The following RGS3 variants were observed in gnomAD, a reference collection of about 807,000 sequenced individuals.
The protein encoded by RGS3 is regulator of G protein signaling 3, also known as regulator of G-protein signalling 3.
In RGS3, 80 loss-of-function variants were observed where a neutral mutation model predicts 132.6. That is an observed-to-expected ratio of 0.60 (90% CI 0.50 to 0.73). The LOEUF is 0.73. Ranked by LOEUF, RGS3 falls within the 30% of genes least tolerant of loss-of-function variation. RGS3 has a pLI of 0.00. For missense variants in RGS3, 1,382 were observed against 1,530.8 expected, an observed-to-expected ratio of 0.90 and a Z score of 1.62; for synonymous variants, 598 against 620.6, an observed-to-expected ratio of 0.96 and a Z score of 0.54.
At chr9:113,508,493 C>T in intron 13 of RGS3, 48 bp from the exon 12 acceptor site, 2 of 1,610,340 alleles carry the variant, frequency 1.2e-6, no homozygotes, top group Non-Finnish European at 1.7e-6. Flanking sequence ...CTGGGCTGTC[C>T]TGCCCTGTTC....
intron 10 of RGS3, 85 bp downstream of exon 8, chr9:113,498,165 C>T: frequency 8.3e-7 from 1 of 1,211,674 alleles, no homozygotes; most frequent in Non-Finnish European, 1.2e-6. Context: ...CCTAAAGGGG[C>T]AGCATTTGGT....
intron 13 of RGS3, among the ~76,000 whole-genome samples, chr9:113,508,331 G>A (rs889968343): frequency 6.6e-6 from 1 of 152,182 alleles, no homozygotes; most frequent in Non-Finnish European, 1.5e-5. Context: ...TAGGCTTCAT[G>A]ACCCATAAAG....
chr9:113,546,923 T>G (rs1460592103), intron 19 of RGS3, among the ~76,000 whole-genome samples: 1 of 152,210 alleles, frequency 6.6e-6, no homozygotes, highest in African/African-American at 2.4e-5. Context: ...TTGAGCAAAT[T>G]GCTTCACATC....
intron 21 of RGS3, chr9:113,594,056 T>C (rs2119054014): frequency 6.2e-7 from 1 of 1,612,730 alleles, no homozygotes; most frequent in African/African-American, 1.3e-5. Context: ...TTTTTTCCGC[T>C]CCCCCTCCTG....
rs1835451057 is a variant in RGS3, at chr9:113,591,920, G to C, written c.3080+523G>C. ...GGCCTTCTTATACTATAGGGTGTTT[G>C]TTAGAGGTGTCAATGAAAAAGATGT... On this transcript the variant is annotated intron_variant, in intron 21 of 24. Coordinates refer to ENST00000350696, the Ensembl canonical transcript of RGS3. This position sits in a 1 kb window ranked among gnomAD's most constrained non-coding sequence, Gnocchi z 4.4. 6.4e-6 allele frequency: 1 copy of C among 156,764 alleles called. No homozygotes were observed. Among genetic ancestry groups the C allele is most frequent in the Non-Finnish European group, 1.4e-5 (1 of 70,364 alleles). 9.7% of individuals were successfully genotyped at this position (156,764 alleles called of 1,614,324 possible).
At chr9:113,450,874 T>G (rs1260712250) in intron 1 of RGS3, among the ~76,000 whole-genome samples, 1 of 151,802 alleles carries the variant, frequency 6.6e-6, no homozygotes, top group Non-Finnish European at 1.5e-5. Context: ...AGCAGTGTGG[T>G]GAGGGCAAAA....
At chr9:113,555,580 C>T (rs1833535166) in intron 19 of RGS3, among the ~76,000 whole-genome samples, 1 of 152,078 alleles carries the variant, frequency 6.6e-6, no homozygotes, top group Admixed American at 6.6e-5. Context: ...GATTCTCCTA[C>T]CTCAGCCTTC....
rs769951740 is a variant in RGS3, at chr9:113,498,048, G to A, written c.865G>A (p.Gly289Ser). Reference sequence around the variant, plus strand: ...AGACCCGCTGCTGAGAATGCCAGGAGGTGGGGACACTGAGAATGGGAAGAA... The same window carrying A: ...AGACCCGCTGCTGAGAATGCCAGGAAGTGGGGACACTGAGAATGGGAAGAA... Residue 289 changes from glycine (G) to serine (S), a missense_variant, in exon 10 of 25, where the codon GGT becomes AGT. Coordinates refer to ENST00000350696, the Ensembl canonical transcript of RGS3. The A allele has an allele frequency of 2.0e-5, 32 of 1,614,000 alleles. No homozygotes were observed. In the Admixed American group the frequency reaches 5.2e-4, roughly 26 times the overall value.
chr9:113,560,615 A>G (rs750259707), intron 19 of RGS3, among the ~76,000 whole-genome samples: 17 of 152,328 alleles, frequency 1.1e-4, no homozygotes, highest in Non-Finnish European at 1.9e-4. Context: ...GCAGGGATTC[A>G]GTGGTTATTG....
At chr9:113,562,431 C>G (rs1192300603) in intron 19 of RGS3, among the ~76,000 whole-genome samples, 1 of 146,388 alleles carries the variant, frequency 6.8e-6, no homozygotes, top group African/African-American at 2.5e-5. Context: ...GAGCCAAGAT[C>G]GTGCCACTGC....
intron 19 of RGS3, among the ~76,000 whole-genome samples, chr9:113,553,531 A>G (rs986388529): frequency 2.2e-5 from 3 of 138,606 alleles, no homozygotes; most frequent in African/African-American, 8.0e-5. Flanking sequence ...ATAGAAATAT[A>G]TATTATATAA....
At chr9:113,501,739 G>A in intron 10 of RGS3, 3 of 1,161,772 alleles carry the variant, frequency 2.6e-6, no homozygotes, top group Non-Finnish European at 2.5e-6. Context: ...GACCTTTCCT[G>A]CTCCCTGCAG....
At chr9:113,586,643 C>T (rs1173403360) in intron 20 of RGS3, among the ~76,000 whole-genome samples, 1 of 152,238 alleles carries the variant, frequency 6.6e-6, no homozygotes, top group Non-Finnish European at 1.5e-5. Context: ...CTTCCACACA[C>T]CAGTTCCTGA....
chr9:113,461,663 CG>C (rs1483120526), intron 1 of RGS3: 5 of 1,581,216 alleles, frequency 3.2e-6, no homozygotes, highest in Admixed American at 1.8e-5. Context: ...TTCCCATTAC[CG>C]GGTGTAAGTG....
Position 113,595,774 on chromosome 9 carries a change from TCAGGG to T in RGS3, c.3411+13_3411+17del, listed in dbSNP as rs764872578. 1 of 1,612,726 alleles carries T rather than the reference TCAGGG, an allele frequency of 6.2e-7. No homozygotes were observed. Among genetic ancestry groups the T allele is most frequent in the Non-Finnish European group, 8.5e-7 (1 of 1,179,216 alleles). On this transcript the variant is annotated intron_variant, in intron 24 of 24. Transcript: ENST00000350696. ...TCCAGGCATGCAAGGAGGTAGGACC[TCAGGG>T]CAGACCCTCCGCTCCTCCAATCCCC...
At chr9:113,486,782 T>C (rs1830345153) in intron 7 of RGS3, among the ~76,000 whole-genome samples, 1 of 152,236 alleles carries the variant, frequency 6.6e-6, no homozygotes, top group Non-Finnish European at 1.5e-5. Context: ...TATTAGCTAA[T>C]ATGTTTTTTA....
intron 19 of RGS3, among the ~76,000 whole-genome samples, chr9:113,560,029 G>A (rs1331739645): frequency 6.6e-6 from 1 of 152,182 alleles, no homozygotes; most frequent in Non-Finnish European, 1.5e-5. Flanking sequence ...TTTTACAGAT[G>A]AGGAAACTGA....
At chr9:113,504,026 C>T (rs1301904788) in intron 10 of RGS3, among the ~76,000 whole-genome samples, 6 of 152,132 alleles carry the variant, frequency 3.9e-5, no homozygotes, top group Non-Finnish European at 7.3e-5. Context: ...TCCTGTTTTA[C>T]AAACTTGCTT....
chr9:113,554,888 C>T (rs1462728325), intron 19 of RGS3, among the ~76,000 whole-genome samples: 1 of 151,938 alleles, frequency 6.6e-6, no homozygotes, highest in Non-Finnish European at 1.5e-5. Flanking sequence ...CTTTCCTACC[C>T]CTAGATTATG....
Sources: gnomAD v4.1 joint callset for allele counts (sites outside exome capture counted in the v4.1 genomes callset) on GRCh38, gnomAD v4.1.1 for gene constraint, Gnocchi (gnomAD v3.1) non-coding constraint, MANE v1.5 for transcripts, NCBI Gene and HGNC (gene_info 2026-07-23, HGNC 2026-07-21) for gene names.